The following HDLBP variants were observed in gnomAD, a reference collection of about 807,000 sequenced individuals.
The protein encoded by HDLBP is high density lipoprotein binding protein.
Under a neutral mutation model 137.3 loss-of-function variants are expected in HDLBP, and 30 were observed. That is an observed-to-expected ratio of 0.22 (90% CI 0.16 to 0.30). The LOEUF is 0.30. Ranked by LOEUF, HDLBP falls within the 10% of genes least tolerant of loss-of-function variation. HDLBP has a pLI of 1.00. For synonymous variants in HDLBP, 606 were observed against 596.0 expected, an observed-to-expected ratio of 1.02 and a Z score of -0.24; for missense variants, 1,119 against 1,667.3, an observed-to-expected ratio of 0.67 and a Z score of 5.73.
rs2069410112 is a variant in HDLBP, at chr2:241,229,042, C to A, written c.*559G>T. Reference sequence around the variant, plus strand: ...CACCCTCTGCCTCTCAGGTCACCCCCCAGCTCCAGGAACCTGCCTCCTGCT... The same window carrying A: ...CACCCTCTGCCTCTCAGGTCACCCCACAGCTCCAGGAACCTGCCTCCTGCT... On this transcript the variant is annotated 3_prime_UTR_variant, in exon 28 of 28. Transcript: ENST00000310931. 6.4e-6 allele frequency: 1 copy of A among 155,974 alleles called. No individual in the cohort carries two copies. Among genetic ancestry groups the A allele is most frequent in the Non-Finnish European group, 1.4e-5 (1 of 70,450 alleles). The allele number at this position is 155,974 out of a possible 1,614,324, so 9.7% of individuals were successfully genotyped here. A position where few individuals can be genotyped will look rare whatever the true frequency, so the allele number is the denominator to read the frequency against.
intron 1 of HDLBP, among the ~76,000 whole-genome samples, chr2:241,298,763 T>C (rs760107025): frequency 3.9e-5 from 6 of 152,164 alleles, no homozygotes; most frequent in South Asian, 4.1e-4. Context: ...GCCTCCTCCT[T>C]GTACTGTTCC....
intron 1 of HDLBP, among the ~76,000 whole-genome samples, chr2:241,296,041 C>T (rs1312566773): frequency 1.4e-5 from 2 of 146,648 alleles, no homozygotes; most frequent in Admixed American, 1.4e-4. Context: ...ATTTTTTTAA[C>T]TCTAACAAGG....
rs1344580625 is a variant in HDLBP at position 241,272,658 on chromosome 2, G to A, written c.-102-4117C>T. 2.9e-5 allele frequency: 26 copies of A among 896,856 alleles called. No individual in the cohort carries two copies. Among genetic ancestry groups the A allele is most frequent in the South Asian group, 5.4e-5 (1 of 18,616 alleles). 55.6% of individuals were successfully genotyped at this position (896,856 alleles called of 1,614,324 possible). A position where few individuals can be genotyped will look rare whatever the true frequency, so the allele number is the denominator to read the frequency against. On this transcript the variant is annotated intron_variant, in intron 1 of 27. Transcript: ENST00000310931. The surrounding 1 kb of genome is among the most constrained non-coding windows in gnomAD (Gnocchi z 5.6). ...GCGGCACCCGGGCCCCTCCCCCTCCGCGGCCTCCACGTCAGCAGCCACCCC... is the reference window on the plus strand; with the variant it reads ...GCGGCACCCGGGCCCCTCCCCCTCCACGGCCTCCACGTCAGCAGCCACCCC...
intron 24 of HDLBP, chr2:241,231,183 G>A (rs898634858): frequency 1.8e-5 from 8 of 445,520 alleles, no homozygotes; most frequent in African/African-American, 9.9e-5. Flanking sequence ...TCCGGAATTC[G>A]TGACCAGCCT....
intron 1 of HDLBP, among the ~76,000 whole-genome samples, chr2:241,290,179 A>C (rs2074965408): frequency 6.6e-6 from 1 of 152,186 alleles, no homozygotes; most frequent in African/African-American, 2.4e-5. Context: ...TCAGAAATAG[A>C]AATGTGTATG....
In HDLBP at chr2:241,256,296, G is replaced by A; in HGVS notation, c.761C>T (p.Thr254Met). ...GCTGGGTGGGGGGATGTTGATGCGC[G>A]TGCCTGTCTCCTGCATGATCTCGCC... ...LVGEIMQETG[T>M]RINIPPPSVN... Residue 254 changes from threonine (T) to methionine (M), a missense_variant, in exon 7 of 28, where the codon ACG becomes ATG. Transcript: ENST00000310931. The A allele has an allele frequency of 1.2e-6, 2 of 1,614,090 alleles. No individual in the cohort carries two copies. The highest frequency in any genetic ancestry group is 2.2e-5 in the East Asian group (1 of 44,884).
At chr2:241,301,789 T>C (rs1019569890) in intron 1 of HDLBP, among the ~76,000 whole-genome samples, 2 of 151,760 alleles carry the variant, frequency 1.3e-5, no homozygotes, top group East Asian at 3.8e-4. Context: ...TTTTAATTTT[T>C]CAAGAAAAAG....
In HDLBP at chr2:241,239,805, C is replaced by A; in HGVS notation, c.2407G>T (p.Asp803Tyr). 1 of 1,613,896 alleles carries A rather than the reference C, an allele frequency of 6.2e-7. No individual in the cohort carries two copies. Residue 803 changes from aspartate (D) to tyrosine (Y), a missense_variant, in exon 19 of 28, where the codon GAC (aspartate) becomes TAC (tyrosine). This residue lies in a region of HDLBP where 618 missense variants were observed against 816.7 expected (regional missense o/e 0.76). Transcript: ENST00000310931. The surrounding 1 kb of genome is among the most constrained non-coding windows in gnomAD (Gnocchi z 4.6). The part of the protein sequence containing the change: ...LIQNLDNVVE[D>Y]SMLVDPKHHR... ...TGCTTGGGGTCCACCAGCATGGAGT[C>A]TTCCACCACATTATCCTGCAGTGTT...
At chr2:241,243,345 TC>T (rs1407309208) in intron 16 of HDLBP, among the ~76,000 whole-genome samples, 1 of 152,156 alleles carries the variant, frequency 6.6e-6, no homozygotes, top group Admixed American at 6.5e-5. Context: ...TGGGAAAGAA[TC>T]CCCAGAAGGA....
intron 1 of HDLBP, among the ~76,000 whole-genome samples, chr2:241,290,564 C>T (rs1039018417): frequency 1.3e-5 from 2 of 151,620 alleles, no homozygotes; most frequent in Non-Finnish European, 2.9e-5. Context: ...GAGCCGAGAT[C>T]GCGCCATTGC....
chr2:241,307,596 A>AC (rs35978047), intron 1 of HDLBP, among the ~76,000 whole-genome samples: 33 of 151,816 alleles, frequency 2.2e-4, no homozygotes, highest in African/African-American at 7.0e-4. Context: ...AAAACTGGCA[A>AC]CCCCCCCATG....
chr2:241,241,101 C>A lies in HDLBP; in HGVS notation c.2170-979G>T, dbSNP rs1359957395. 2.0e-5 allele frequency among the ~76,000 whole-genome samples: 3 copies of A among 152,082 alleles called. No individual in the cohort carries two copies. The East Asian group carries it at 5.8e-4, about 29-fold the overall frequency. On this transcript the variant is annotated intron_variant, in intron 17 of 27. Coordinates refer to ENST00000310931, the MANE Select transcript of HDLBP (RefSeq NM_005336.6). The stretch of plus-strand genomic sequence containing the variant: ...TGCAATCTAGCAATATGGCCAAAGA[C>A]AACCTACCAAACCAAGCAGGGATTA...
At chr2:241,307,970 G>C (rs2075635104) in intron 1 of HDLBP, among the ~76,000 whole-genome samples, 1 of 151,978 alleles carries the variant, frequency 6.6e-6, no homozygotes, top group African/African-American at 2.4e-5. Context: ...ATTGGAAATG[G>C]AATTATATGA....
Position 241,230,378 on chromosome 2 carries a change from A to C in HDLBP, c.3475-109T>G. On this transcript the variant is annotated intron_variant, in intron 25 of 27. Transcript: ENST00000310931. The surrounding 1 kb of genome is among the most constrained non-coding windows in gnomAD (Gnocchi z 5.0). The stretch of plus-strand genomic sequence containing the variant: ...TTTCTGAGTTAGCAAACGTTTTAAA[A>C]TCTGGTTTCAGAGTTGTTCTGAAGT... 1.3e-6 allele frequency: 1 copy of C among 750,746 alleles called. No individual in the cohort carries two copies. Among genetic ancestry groups the C allele is most frequent in the South Asian group, 1.8e-5 (1 of 55,934 alleles). 46.5% of individuals were successfully genotyped at this position (750,746 alleles called of 1,614,324 possible).
intron 16 of HDLBP, among the ~76,000 whole-genome samples, chr2:241,245,971 A>G (rs1473374456): frequency 6.6e-6 from 1 of 152,078 alleles, no homozygotes; most frequent in Non-Finnish European, 1.5e-5. Context: ...AAAAAACTTC[A>G]TGTTAATACA....
intron 6 of HDLBP, 22 bp from the exon 7 acceptor site, chr2:241,256,421 G>A (rs2072617032): frequency 6.3e-7 from 1 of 1,583,840 alleles, no homozygotes; most frequent in Non-Finnish European, 8.6e-7. Flanking sequence ...GGGATGATCT[G>A]ATGAGAACAG....
chr2:241,280,096 C>T (rs2074540796), intron 1 of HDLBP: 2 of 985,230 alleles, frequency 2.0e-6, no homozygotes, highest in African/African-American at 1.7e-5. Flanking sequence ...GTTATTGGCA[C>T]CATGGGATGG....
chr2:241,253,434 T>A lies in HDLBP; in HGVS notation c.1252A>T (p.Asn418Tyr), dbSNP rs568215896. Residue 418 changes from asparagine to tyrosine, a missense_variant, in exon 10 of 28, where the codon AAT becomes TAT. Asn to Tyr is a moderately radical substitution (Grantham distance 143, BLOSUM62 -2). Around this residue, in one of 4 missense-constraint regions of HDLBP, gnomAD observed 425 missense variants for 693.9 expected, o/e 0.61. Transcript: ENST00000310931. The stretch of plus-strand genomic sequence containing the variant: ...CCTTCTATCTGTTCCTGGGCCACAT[T>A]GACATCCTCTGTAGGGCCCTCCAGG... ...ITLEGPTEDV[N>Y]VAQEQIEGMV... 1 of 1,613,302 alleles carries A rather than the reference T, an allele frequency of 6.2e-7. No individual in the cohort carries two copies. Among genetic ancestry groups the A allele is most frequent in the Non-Finnish European group, 8.5e-7 (1 of 1,179,340 alleles).
chr2:241,270,769 T>C (rs1704135792), intron 1 of HDLBP, among the ~76,000 whole-genome samples: 2 of 152,194 alleles, frequency 1.3e-5, no homozygotes, highest in Admixed American at 1.3e-4. Flanking sequence ...TTAATCCTGT[T>C]CCATGTGGAT....
Sources: allele counts gnomAD v4.1 joint callset (sites outside exome capture counted in the v4.1 genomes callset), GRCh38; gene constraint gnomAD v4.1.1; regional missense constraint gnomAD v4.1.1; non-coding constraint Gnocchi (gnomAD v3.1); transcripts MANE v1.5; gene names NCBI Gene and HGNC (gene_info 2026-07-23, HGNC 2026-07-21).